LRBA: variants seen among roughly 807,000 people sequenced by gnomAD.
The protein encoded by LRBA is LPS responsive beige-like anchor protein, also known as lipopolysaccharide-responsive and beige-like anchor protein.
In LRBA, 176 loss-of-function variants were observed where a neutral mutation model predicts 330.0. The observed-to-expected ratio is 0.53, with a 90% CI of 0.47 to 0.60. The LOEUF (loss-of-function observed/expected upper bound fraction) is 0.60, where lower values mean the gene tolerates loss of function less well. LRBA is among the 20% of genes least tolerant of loss of function. The probability of loss-of-function intolerance (pLI) is 0.00; values close to 1 mark genes in which losing one functional copy is unlikely to be tolerated. For synonymous variants in LRBA, 1,230 were observed against 1,193.0 expected, an observed-to-expected ratio of 1.03 and a Z score of -0.64; for missense variants, 3,259 against 3,444.8, an observed-to-expected ratio of 0.95 and a Z score of 1.35.
intron 37 of LRBA, among the ~76,000 whole-genome samples, chr4:150,619,034 G>A (rs562974367): frequency 4.6e-5 from 7 of 151,486 alleles, no homozygotes; most frequent in African/African-American, 1.7e-4. Flanking sequence ...GCCATACCTG[G>A]AAAAAATGCA....
At chr4:150,363,658 C>G (rs1042607232) in intron 47 of LRBA, among the ~76,000 whole-genome samples, 3 of 152,178 alleles carry the variant, frequency 2.0e-5, no homozygotes, top group Admixed American at 1.3e-4. Context: ...ATCGCTTAAT[C>G]TATTTCTCTA....
intron 49 of LRBA, among the ~76,000 whole-genome samples, chr4:150,325,092 T>A (rs900842141): frequency 2.0e-5 from 3 of 152,108 alleles, no homozygotes; most frequent in African/African-American, 7.2e-5. Context: ...CCTCAAGAAG[T>A]CTGGCTGCTT....
intron 47 of LRBA, among the ~76,000 whole-genome samples, chr4:150,403,794 G>A (rs557975177): frequency 1.3e-5 from 2 of 152,220 alleles, no homozygotes; most frequent in Admixed American, 1.3e-4. Context: ...GGCTGAGGAG[G>A]GCAGATCATT....
At chr4:150,928,142 C>A (rs922077835) in intron 4 of LRBA, among the ~76,000 whole-genome samples, 3 of 152,146 alleles carry the variant, frequency 2.0e-5, no homozygotes, top group African/African-American at 7.2e-5. Flanking sequence ...AGGTTTTGTT[C>A]ACGGAGTGAG....
At chr4:150,298,103 A>T (rs1421824548) in intron 53 of LRBA, among the ~76,000 whole-genome samples, 1 of 152,196 alleles carries the variant, frequency 6.6e-6, no homozygotes, top group African/African-American at 2.4e-5. Flanking sequence ...AATATTGTTT[A>T]TATTACATCC....
chr4:150,570,476 A>T (rs566042234), intron 40 of LRBA, among the ~76,000 whole-genome samples: 1 of 152,280 alleles, frequency 6.6e-6, no homozygotes, highest in East Asian at 1.9e-4. Context: ...ATGAAAAAAT[A>T]TGACAAGCAT....
intron 22 of LRBA, among the ~76,000 whole-genome samples, chr4:150,863,390 G>A (rs1216464359): frequency 1.3e-5 from 2 of 151,722 alleles, no homozygotes; most frequent in Non-Finnish European, 2.9e-5. Context: ...AGCCAGTCCC[G>A]GTGGCTCACC....
intron 37 of LRBA, among the ~76,000 whole-genome samples, chr4:150,636,668 C>T (rs938999537): frequency 1.3e-5 from 2 of 152,114 alleles, no homozygotes; most frequent in South Asian, 2.1e-4. Context: ...GGCTCATGCC[C>T]GTAATCCCAG....
intron 37 of LRBA, among the ~76,000 whole-genome samples, chr4:150,603,334 C>T (rs2126533951): frequency 6.6e-6 from 1 of 152,076 alleles, no homozygotes; most frequent in Non-Finnish European, 1.5e-5. Flanking sequence ...TTAAAATTAC[C>T]ATGTAAGTCT....
At chr4:150,291,294 A>C (rs1438808881) in intron 53 of LRBA, among the ~76,000 whole-genome samples, 4 of 116,010 alleles carry the variant, frequency 3.4e-5, no homozygotes, top group African/African-American at 6.7e-5. Flanking sequence ...CAACCTACAA[A>C]ATGGGAGAAA....
chr4:150,734,822 C>A (rs1730979223), intron 36 of LRBA, among the ~76,000 whole-genome samples: 4 of 152,100 alleles, frequency 2.6e-5, no homozygotes, highest in African/African-American at 9.7e-5. Context: ...GCTCTCAAAC[C>A]CTAAAGACAG....
chr4:150,897,656 A>G, intron 15 of LRBA, 83 bp downstream of exon 15: 1 of 959,176 alleles, frequency 1.0e-6, no homozygotes, highest in East Asian at 2.4e-5. Flanking sequence ...CCAAGCAAAG[A>G]ATAAAAAAAC....
chr4:150,359,864 C>T (rs565277216), intron 47 of LRBA, among the ~76,000 whole-genome samples: 46 of 151,938 alleles, frequency 3.0e-4, no homozygotes, highest in South Asian at 1.5e-3. Flanking sequence ...TCTGTAATCC[C>T]AGCTACTCAG....
At chr4:150,825,513 C>G (rs1166695014) in intron 30 of LRBA, among the ~76,000 whole-genome samples, 1 of 152,044 alleles carries the variant, frequency 6.6e-6, no homozygotes, top group African/African-American at 2.4e-5. Context: ...ATTACAGGCA[C>G]CCGCCACCAC....
intron 40 of LRBA, chr4:150,579,667 G>C (rs1382340488): frequency 1.1e-5 from 5 of 456,640 alleles, no homozygotes; most frequent in African/African-American, 1.0e-4. Flanking sequence ...CGCCAGTGGA[G>C]GTGCAGCGGA....
chr4:150,746,817 G>T (rs1400420293), intron 35 of LRBA, among the ~76,000 whole-genome samples: 1 of 151,982 alleles, frequency 6.6e-6, no homozygotes, highest in Admixed American at 6.6e-5. Context: ...GCCAAAAGTT[G>T]TTTTTCTTTG....
At chr4:150,419,725 C>T (rs1186713781) in intron 46 of LRBA, among the ~76,000 whole-genome samples, 2 of 147,372 alleles carry the variant, frequency 1.4e-5, no homozygotes, top group Non-Finnish European at 3.0e-5. Context: ...GCAACCTCTG[C>T]CTCCTGAGTT....
chr4:150,858,019 C>T (rs1388219122), intron 22 of LRBA, among the ~76,000 whole-genome samples: 1 of 151,978 alleles, frequency 6.6e-6, no homozygotes, highest in Non-Finnish European at 1.5e-5. Context: ...GAAGAGAAGA[C>T]TAAAAGGTCT....
intron 36 of LRBA, chr4:150,721,321 T>C (rs1013570607): frequency 9.4e-6 from 3 of 320,088 alleles, no homozygotes; most frequent in African/African-American, 6.7e-5. Context: ...GTACTTTGTA[T>C]TGATCAAAGA....
Sources: gnomAD v4.1 joint callset for allele counts (sites outside exome capture counted in the v4.1 genomes callset) on GRCh38, gnomAD v4.1.1 for gene constraint, MANE v1.5 for transcripts, NCBI Gene and HGNC (gene_info 2026-07-23, HGNC 2026-07-21) for gene names.